NIFK: variants seen among roughly 807,000 people sequenced by gnomAD.
NIFK encodes MKI67 FHA domain-interacting nucleolar phosphoprotein.
NIFK carries 16 observed loss-of-function variants against 31.7 expected under a neutral mutation model. That is an observed-to-expected ratio of 0.50 (90% CI 0.34 to 0.77). The LOEUF (loss-of-function observed/expected upper bound fraction) is 0.77. NIFK is among the 30% of genes least tolerant of loss of function. The pLI, the probability that NIFK is intolerant of heterozygous loss-of-function variation, is 0.01. For synonymous variants in NIFK, 126 were observed against 123.0 expected (o/e 1.02, Z -0.16); for missense variants, 341 against 350.4 (o/e 0.97, Z 0.21).
At chr2:121,732,255 T>A (rs17006779) in intron 2 of NIFK, 51 bp from the exon 3 acceptor site, 46,362 of 1,039,750 alleles carry the variant, frequency 0.045, 2,808 homozygotes, top group African/African-American at 0.19. Flanking sequence ...TTTGAATGCG[T>A]CATCAAATTC....
chr2:121,732,416 G>C (rs925574922), intron 2 of NIFK, among the ~76,000 whole-genome samples: 1 of 152,158 alleles, frequency 6.6e-6, no homozygotes, highest in African/African-American at 2.4e-5. Context: ...TGATTTTCTG[G>C]TATTCTTGGG....
intron 1 of NIFK, 128 bp from the exon 2 acceptor site, chr2:121,735,878 G>T: frequency 1.4e-6 from 1 of 722,530 alleles, no homozygotes; most frequent in Non-Finnish European, 2.2e-6. Flanking sequence ...TAAAGAACTG[G>T]CTGTTTAGTG....
intron 4 of NIFK, among the ~76,000 whole-genome samples, chr2:121,729,123 A>AGGCCAAGGTGGGTG (rs2074517823): frequency 6.6e-6 from 1 of 152,068 alleles, no homozygotes; most frequent in Admixed American, 6.6e-5. Context: ...GCACTTGGGG[A>AGGCCAAGGTGGGTG]GGCCAAGGTG....
intron 4 of NIFK, among the ~76,000 whole-genome samples, chr2:121,728,829 G>A (rs1268115790): frequency 2.6e-5 from 4 of 152,134 alleles, no homozygotes; most frequent in African/African-American, 4.8e-5. Flanking sequence ...TGCAAAGGCA[G>A]GCCACCCCCA....
At chr2:121,730,518 T>G in intron 4 of NIFK, 1 of 202,334 alleles carries the variant, frequency 4.9e-6, no homozygotes, top group Non-Finnish European at 1.0e-5. Flanking sequence ...GCAACAAGGG[T>G]GAAACTCCAT....
intron 2 of NIFK, among the ~76,000 whole-genome samples, chr2:121,733,050 C>A (rs2074555251): frequency 1.3e-5 from 2 of 151,976 alleles, no homozygotes; most frequent in South Asian, 2.1e-4. Context: ...CCACTGCACT[C>A]CAGCCTGGGC....
At chr2:121,735,926 A>G (rs2074576087) in intron 1 of NIFK, 176 bp from the exon 2 acceptor site, 4 of 580,528 alleles carry the variant, frequency 6.9e-6, no homozygotes, top group Admixed American at 6.4e-5. Flanking sequence ...AGCAGTAGTC[A>G]ACTATCTTTC....
At position 121,727,418 on chromosome 2, in the gene NIFK, C is replaced by T. The variant is rs1472440089; in HGVS notation, c.*306G>A. The T allele has an allele frequency of 1.3e-5, 7 of 539,342 alleles. No individual in the cohort carries two copies. Among genetic ancestry groups the T allele is most frequent in the Non-Finnish European group, 2.6e-5 (7 of 272,980 alleles). The allele number at this position is 539,342 out of a possible 1,614,324, so 33.4% of individuals were successfully genotyped here. The stretch of plus-strand genomic sequence containing the variant: ...GGCTGCAGTTTAGTACTTAAACCTG[C>T]AGTTAGTGGTCAACTTTCTATCCAG... On this transcript the variant is annotated 3_prime_UTR_variant, in exon 7 of 7. Transcript: ENST00000285814.
At position 121,728,713 on chromosome 2, in the gene NIFK, C is replaced by G. The variant is rs571171857; in HGVS notation, c.565-177G>C. 16 of 509,650 alleles carry G rather than the reference C, an allele frequency of 3.1e-5. No homozygotes were observed. In the African/African-American group the frequency reaches 3.2e-4, roughly 10 times the overall value. 31.6% of individuals were successfully genotyped at this position (509,650 alleles called of 1,614,324 possible). Reference sequence around the variant, plus strand: ...AGTAAAGGGCAAAACTAGGAAAAACCCAGTAGAGGAATTGACAGAGCTGCA... The same window carrying G: ...AGTAAAGGGCAAAACTAGGAAAAACGCAGTAGAGGAATTGACAGAGCTGCA... On this transcript the variant is annotated intron_variant, in intron 4 of 6. Transcript: ENST00000285814.
chr2:121,727,304 C>A lies in NIFK; in HGVS notation c.*420G>T. The A allele has an allele frequency of 2.4e-6, 1 of 411,532 alleles. No individual in the cohort carries two copies. 25.5% of individuals were successfully genotyped at this position (411,532 alleles called of 1,614,324 possible). A position where few individuals can be genotyped will look rare whatever the true frequency, so the allele number is the denominator to read the frequency against. ...AGCTTCAACCATCTGATGTTGAAAT[C>A]TAAAGCACCTCCATGAGTTAAATGT... On this transcript the variant is annotated 3_prime_UTR_variant, in exon 7 of 7. Transcript: ENST00000285814.
chr2:121,729,446 T>C (rs2074520755), intron 4 of NIFK, among the ~76,000 whole-genome samples: 1 of 152,044 alleles, frequency 6.6e-6, no homozygotes, highest in East Asian at 1.9e-4. Context: ...TCTTGATCTA[T>C]AATAAAAGAC....
At chr2:121,735,818 G>A in intron 1 of NIFK, 68 bp from the exon 2 acceptor site, 1 of 1,355,680 alleles carries the variant, frequency 7.4e-7, no homozygotes, top group Non-Finnish European at 1.0e-6. Context: ...AAAACCCCTA[G>A]CCCTCGGCCC....
chr2:121,729,480 T>C (rs2074520984), intron 4 of NIFK, among the ~76,000 whole-genome samples: 1 of 152,102 alleles, frequency 6.6e-6, no homozygotes. Flanking sequence ...CTGTGACAGA[T>C]GGAGGAAAGG....
intron 1 of NIFK, 155 bp from the exon 2 acceptor site, chr2:121,735,905 G>A: frequency 1.6e-6 from 1 of 620,750 alleles, no homozygotes; most frequent in Non-Finnish European, 2.7e-6. Flanking sequence ...TCCCCACAAA[G>A]GCCATGGTCA....
intron 2 of NIFK, among the ~76,000 whole-genome samples, chr2:121,733,387 C>T (rs1017134255): frequency 4.0e-5 from 6 of 151,708 alleles, no homozygotes; most frequent in South Asian, 4.2e-4. Context: ...TGGTGGTGCA[C>T]GCCTATAATC....
intron 6 of NIFK, 103 bp downstream of exon 6, chr2:121,728,185 A>G: frequency 1.2e-6 from 1 of 818,002 alleles, no homozygotes; most frequent in Non-Finnish European, 1.9e-6. Context: ...AAATGTCACA[A>G]TATTTAATTT....
Position 121,735,736 on chromosome 2 carries a change from T to C in NIFK, c.120A>G (p.Glu40=), listed in dbSNP as rs1395014881. 3.7e-6 allele frequency: 6 copies of C among 1,612,568 alleles called. No individual in the cohort carries two copies. Among genetic ancestry groups the C allele is most frequent in the Non-Finnish European group, 2.5e-6 (3 of 1,179,714 alleles). ...RKRITQRKKQ[E]QLTPGVVYVR... ...CATAGACTACTCCAGGAGTAAGTTG[T>C]TCTTGTTTTTTTCGCTAAAGACGTA... Residue 40 remains glutamate (E), a synonymous_variant, in exon 2 of 7, where the codon GAA becomes GAG. Transcript: ENST00000285814.
intron 4 of NIFK, among the ~76,000 whole-genome samples, chr2:121,729,231 G>T (rs1292708269): frequency 6.6e-6 from 1 of 151,988 alleles, no homozygotes; most frequent in Non-Finnish European, 1.5e-5. Flanking sequence ...GCTGGGTGTG[G>T]TGGTGTGTGC....
chr2:121,735,880 T>G (rs761468118), intron 1 of NIFK, 130 bp from the exon 2 acceptor site: 49 of 713,584 alleles, frequency 6.9e-5, no homozygotes, highest in Admixed American at 1.8e-4. Context: ...AAGAACTGGC[T>G]GTTTAGTGTT....
Sources: gnomAD v4.1 joint callset for allele counts (sites outside exome capture counted in the v4.1 genomes callset) on GRCh38, gnomAD v4.1.1 for gene constraint, MANE v1.5 for transcripts, NCBI Gene and HGNC (gene_info 2026-07-23, HGNC 2026-07-21) for gene names.